Variants in CDH7 observed in about 807,000 individuals in gnomAD.
CDH7 encodes the protein cadherin 7, also known as cadherin-7.
A neutral mutation model predicts 71.8 loss-of-function variants in CDH7; 25 were observed. The observed-to-expected ratio is 0.35, with a 90% CI of 0.25 to 0.49. CDH7 has a LOEUF of 0.49. Among genes scored for constraint, CDH7 ranks in the 20% least tolerant of loss-of-function variants. The pLI is 0.99. For synonymous variants in CDH7, 381 were observed against 363.8 expected (o/e 1.05, Z -0.54); for missense variants, 862 against 974.6 (o/e 0.88, Z 1.54).
At position 65,857,857 on chromosome 18, in the gene CDH7, A is replaced by G. The variant is rs753895339; in HGVS notation, c.1277A>G (p.Asn426Ser). The G allele has an allele frequency of 7.4e-6, 12 of 1,613,380 alleles. No homozygotes were observed. Among genetic ancestry groups the G allele is most frequent in the African/African-American group, 4.0e-5 (3 of 74,906 alleles). Reference protein sequence around the residue: ...DRNTDLERYFNIDANSGVITT... With the variant: ...DRNTDLERYFSIDANSGVITT... ...AACACAGACTTGGAGAGATACTTCA[A>G]TATTGATGCCAACAGTGGGGTCATC... Residue 426 changes from asparagine (N) to serine (S), a missense_variant, in exon 8 of 12, where the codon AAT (asparagine) becomes AGT (serine). By Grantham distance (46) the Asn-to-Ser change is conservative (BLOSUM62 1). Transcript: ENST00000397968.
Position 65,794,605 on chromosome 18 carries a change from A to C in CDH7, c.211-15099A>C, listed in dbSNP as rs183778163. Among the ~76,000 whole-genome samples, 852 of 151,552 alleles carry C rather than the reference A, an allele frequency of 5.6e-3. 2 individuals are homozygous for C. The highest frequency in any genetic ancestry group is 0.02 in the African/African-American group (817 of 41,134). On this transcript the variant is annotated intron_variant, in intron 2 of 11. Coordinates refer to ENST00000397968, the MANE Select transcript of CDH7 (RefSeq NM_004361.5). ...AAGGAGGGGTTAGAAAAAAAAAAAA[A>C]CCTGAAAATTTAGTTGTTTTAAGTT...
At chr18:65,822,684 G>A (rs561036497) in intron 5 of CDH7, among the ~76,000 whole-genome samples, 1 of 151,798 alleles carries the variant, frequency 6.6e-6, no homozygotes, top group South Asian at 2.1e-4. Context: ...AGTAATAAAT[G>A]TTTTCATTTT....
chr18:65,763,761 A>G (rs890033845), intron 2 of CDH7, among the ~76,000 whole-genome samples: 6 of 151,984 alleles, frequency 3.9e-5, no homozygotes, highest in Non-Finnish European at 8.8e-5. Flanking sequence ...AGCTGGATGG[A>G]CATTTTGTTT....
At chr18:65,838,187 T>C (rs1912600963) in intron 6 of CDH7, among the ~76,000 whole-genome samples, 1 of 152,128 alleles carries the variant, frequency 6.6e-6, no homozygotes. Context: ...CCCAAAGTGC[T>C]GGAATTACAG....
At chr18:65,814,857 A>G (rs17075246) in intron 4 of CDH7, among the ~76,000 whole-genome samples, 2,753 of 152,248 alleles carry the variant, frequency 0.018, 37 homozygotes, top group Non-Finnish European at 0.03. Context: ...TATCTCCTGA[A>G]TGCTTAAGAA....
At chr18:65,799,922 C>A (rs1272037357) in intron 2 of CDH7, among the ~76,000 whole-genome samples, 1 of 152,120 alleles carries the variant, frequency 6.6e-6, no homozygotes, top group Non-Finnish European at 1.5e-5. Flanking sequence ...AAAAATATAT[C>A]AACACATGCT....
At chr18:65,791,225 C>T (rs557472136) in intron 2 of CDH7, among the ~76,000 whole-genome samples, 255 of 152,212 alleles carry the variant, frequency 1.7e-3, no homozygotes, top group African/African-American at 5.9e-3. Context: ...TGTGTGTTTA[C>T]ATATGTGTGC....
At chr18:65,876,951 A>G (rs1914090576) in intron 11 of CDH7, among the ~76,000 whole-genome samples, 1 of 152,202 alleles carries the variant, frequency 6.6e-6, no homozygotes, top group African/African-American at 2.4e-5. Flanking sequence ...ATTTCCACTC[A>G]GAAGTAGAGG....
intron 2 of CDH7, among the ~76,000 whole-genome samples, chr18:65,778,259 G>A (rs1304667486): frequency 5.8e-5 from 7 of 120,762 alleles, no homozygotes. Flanking sequence ...GTGACAGCAT[G>A]AGACTCTGTC....
intron 2 of CDH7, among the ~76,000 whole-genome samples, chr18:65,775,872 G>A (rs945012228): frequency 7.9e-5 from 12 of 152,172 alleles, no homozygotes; most frequent in African/African-American, 2.4e-4. Context: ...TTGTTCTCTC[G>A]TCTATCAAAA....
At chr18:65,754,480 A>G (rs1260149608) in intron 1 of CDH7, among the ~76,000 whole-genome samples, 3 of 152,224 alleles carry the variant, frequency 2.0e-5, no homozygotes, top group South Asian at 4.1e-4. Flanking sequence ...GTAAAAAATT[A>G]TACCTTTTAA....
chr18:65,807,614 G>C (rs1243939787), intron 2 of CDH7, among the ~76,000 whole-genome samples: 1 of 152,204 alleles, frequency 6.6e-6, no homozygotes. Context: ...GCACAGATGA[G>C]GGTGAGGGAG....
At chr18:65,781,820 T>TTC (rs1568181503) in intron 2 of CDH7, among the ~76,000 whole-genome samples, 5 of 58,354 alleles carry the variant, frequency 8.6e-5, no homozygotes, top group African/African-American at 1.3e-4. Context: ...CCTTCCTTCC[T>TTC]TCTTTCTTTC....
intron 2 of CDH7, among the ~76,000 whole-genome samples, chr18:65,783,424 T>C (rs1185694255): frequency 6.6e-6 from 1 of 152,212 alleles, no homozygotes; most frequent in Non-Finnish European, 1.5e-5. Context: ...TTTATGCACA[T>C]ATGCAACATA....
intron 11 of CDH7, among the ~76,000 whole-genome samples, chr18:65,878,226 C>G (rs966719266): frequency 6.6e-6 from 1 of 152,126 alleles, no homozygotes; most frequent in African/African-American, 2.4e-5. Flanking sequence ...ACACTTTCTA[C>G]TTTGCTTGTT....
chr18:65,785,349 G>T (rs886569026), intron 2 of CDH7, among the ~76,000 whole-genome samples: 2 of 152,076 alleles, frequency 1.3e-5, no homozygotes, highest in African/African-American at 4.8e-5. Context: ...TGATGACAGT[G>T]TTGTAGATAA....
chr18:65,875,862 G>T (rs952820551), intron 11 of CDH7, among the ~76,000 whole-genome samples: 1 of 152,104 alleles, frequency 6.6e-6, no homozygotes, highest in South Asian at 2.1e-4. Flanking sequence ...TCAAGAGGTC[G>T]AGGATACAGT....
Position 65,835,130 on chromosome 18 carries a change from G to A in CDH7, c.982-8682G>A, listed in dbSNP as rs147916173. On this transcript the variant is annotated intron_variant, in intron 6 of 11. Transcript: ENST00000397968. ...GGACCTCTGCCTCCCATCATCCCAT[G>A]GGCTACCTGGGCTGGTTCCAAGAAT... 2.5e-3 allele frequency among the ~76,000 whole-genome samples: 376 copies of A among 152,212 alleles called. 1 individual carries two copies. The highest frequency in any genetic ancestry group is 8.8e-3 in the African/African-American group (365 of 41,526).
chr18:65,752,026 G>C (rs1915895766), intron 1 of CDH7, among the ~76,000 whole-genome samples: 1 of 152,156 alleles, frequency 6.6e-6, no homozygotes, highest in African/African-American at 2.4e-5. Context: ...TCAAGGATTG[G>C]GTGTATCAAG....
Sources: gnomAD v4.1 joint callset for allele counts (sites outside exome capture counted in the v4.1 genomes callset) on GRCh38, gnomAD v4.1.1 for gene constraint, MANE v1.5 for transcripts, NCBI Gene and HGNC (gene_info 2026-07-23, HGNC 2026-07-21) for gene names.